LRRC7: variants seen among roughly 807,000 people sequenced by gnomAD.
LRRC7 encodes leucine rich repeat containing 7.
A neutral mutation model predicts 175.7 loss-of-function variants in LRRC7; 23 were observed. That is an observed-to-expected ratio of 0.13 (90% CI 0.09 to 0.19). LRRC7 has a LOEUF of 0.19. LRRC7 is among the 10% of genes least tolerant of loss of function. LRRC7 has a pLI of 1.00. For synonymous variants in LRRC7, 685 were observed against 680.9 expected, an observed-to-expected ratio of 1.01 and a Z score of -0.09; for missense variants, 1,354 against 1,904.7, an observed-to-expected ratio of 0.71 and a Z score of 5.38.
intron 7 of LRRC7, among the ~76,000 whole-genome samples, chr1:69,903,803 A>G (rs556967300): frequency 1.3e-5 from 2 of 152,292 alleles, no homozygotes; most frequent in South Asian, 2.1e-4. Flanking sequence ...TAGAAACAAT[A>G]AAAAATGATA....
chr1:70,106,166 A>G (rs1396892660), intron 25 of LRRC7, among the ~76,000 whole-genome samples: 2 of 152,218 alleles, frequency 1.3e-5, no homozygotes, highest in African/African-American at 4.8e-5. Context: ...ATATTGAAAT[A>G]TAGTTGATAT....
chr1:69,824,581 C>G (rs1157962177), intron 4 of LRRC7, among the ~76,000 whole-genome samples: 1 of 152,020 alleles, frequency 6.6e-6, no homozygotes, highest in Non-Finnish European at 1.5e-5. Context: ...CTTTGTACCC[C>G]TTTGTACCCC....
At chr1:69,595,795 C>T (rs1349956575) in intron 1 of LRRC7, among the ~76,000 whole-genome samples, 1 of 152,080 alleles carries the variant, frequency 6.6e-6, no homozygotes, top group Admixed American at 6.5e-5. Flanking sequence ...AAAGACTGTA[C>T]AGATATCCCA....
chr1:69,717,646 T>G (rs1378449759), intron 2 of LRRC7, among the ~76,000 whole-genome samples: 1 of 151,162 alleles, frequency 6.6e-6, no homozygotes, highest in African/African-American at 2.4e-5. Flanking sequence ...AACTTCATAT[T>G]GAGGGAGGGA....
chr1:69,599,186 A>G (rs1160258622), intron 1 of LRRC7, among the ~76,000 whole-genome samples: 1 of 151,992 alleles, frequency 6.6e-6, no homozygotes, highest in African/African-American at 2.4e-5. Flanking sequence ...CTAGGATCAC[A>G]GAAGTAGGAT....
intron 26 of LRRC7, among the ~76,000 whole-genome samples, chr1:70,108,174 A>T (rs1665272887): frequency 6.6e-6 from 1 of 151,634 alleles, no homozygotes; most frequent in Non-Finnish European, 1.5e-5. Flanking sequence ...TATGTGTGTG[A>T]CTTTCATGAG....
intron 17 of LRRC7, among the ~76,000 whole-genome samples, chr1:70,025,254 A>C (rs1316267359): frequency 6.7e-6 from 1 of 150,162 alleles, no homozygotes; most frequent in East Asian, 1.9e-4. Flanking sequence ...TTAATCATTT[A>C]TTTTTAGTGT....
chr1:70,089,077 C>T (rs61784292), intron 24 of LRRC7, among the ~76,000 whole-genome samples: 11,891 of 152,148 alleles, frequency 0.078, 575 homozygotes, highest in South Asian at 0.18. Context: ...GACCTCATCA[C>T]ACTATTCTCC....
At chr1:69,771,022 G>A (rs1672182448) in intron 3 of LRRC7, among the ~76,000 whole-genome samples, 1 of 152,110 alleles carries the variant, frequency 6.6e-6, no homozygotes, top group Non-Finnish European at 1.5e-5. Context: ...AGCGCCAAAT[G>A]TATACAATTT....
intron 23 of LRRC7, among the ~76,000 whole-genome samples, chr1:70,053,810 A>G (rs1031699402): frequency 1.3e-4 from 20 of 152,318 alleles, no homozygotes; most frequent in African/African-American, 4.6e-4. Flanking sequence ...CTTACAAATC[A>G]GTAATGAAGA....
intron 3 of LRRC7, among the ~76,000 whole-genome samples, chr1:69,768,859 A>T (rs1041160205): frequency 6.6e-6 from 1 of 152,204 alleles, no homozygotes; most frequent in Non-Finnish European, 1.5e-5. Context: ...ACTTTTATCC[A>T]TATAAATTAG....
chr1:70,003,107 T>C (rs1272492332), intron 11 of LRRC7, among the ~76,000 whole-genome samples: 1 of 152,078 alleles, frequency 6.6e-6, no homozygotes, highest in Non-Finnish European at 1.5e-5. Flanking sequence ...TTCTCTTGGC[T>C]TGTAGGCGAC....
chr1:69,694,906 A>G (rs1172011656), intron 2 of LRRC7, among the ~76,000 whole-genome samples: 1 of 152,170 alleles, frequency 6.6e-6, no homozygotes, highest in Non-Finnish European at 1.5e-5. Flanking sequence ...TATTTTCTTT[A>G]TAAATTACTC....
intron 2 of LRRC7, among the ~76,000 whole-genome samples, chr1:69,681,559 A>G (rs1660493639): frequency 6.6e-6 from 1 of 152,136 alleles, no homozygotes; most frequent in Non-Finnish European, 1.5e-5. Flanking sequence ...GGCATAGTCA[A>G]ATAAACTTTC....
chr1:69,977,090 G>A (rs1448138993), intron 8 of LRRC7, among the ~76,000 whole-genome samples: 4 of 152,022 alleles, frequency 2.6e-5, no homozygotes, highest in Non-Finnish European at 5.9e-5. Flanking sequence ...CCACATGCTG[G>A]GAAACTGGAA....
chr1:69,886,188 C>T lies in LRRC7; in HGVS notation c.648-45319C>T, dbSNP rs896963696. Among the ~76,000 whole-genome samples the T allele has an allele frequency of 4.6e-5, 7 of 152,054 alleles. No individual in the cohort carries two copies. The South Asian group carries it at 6.2e-4, about 14-fold the overall frequency. Reference sequence around the variant, plus strand: ...GGGTATCCTTGTTAACTTTCTGTCTCGTTTATCTGTCTAATGTTGACAGTG... The same window carrying T: ...GGGTATCCTTGTTAACTTTCTGTCTTGTTTATCTGTCTAATGTTGACAGTG... On this transcript the variant is annotated intron_variant, in intron 7 of 26. Coordinates refer to ENST00000651989, the MANE Select transcript of LRRC7 (RefSeq NM_001370785.2).
At chr1:69,789,466 C>T (rs1674864144) in intron 3 of LRRC7, among the ~76,000 whole-genome samples, 1 of 151,948 alleles carries the variant, frequency 6.6e-6, no homozygotes, top group Non-Finnish European at 1.5e-5. Flanking sequence ...TATAATCATT[C>T]CTCATTTTAA....
In LRRC7 at chr1:70,046,386, T is replaced by C. The variant is rs369002146; in HGVS notation, c.4110+2292T>C. Among the ~76,000 whole-genome samples, 5 of 152,196 alleles carry C rather than the reference T, an allele frequency of 3.3e-5. No individual in the cohort carries two copies. In the East Asian group the frequency reaches 7.7e-4, roughly 24 times the overall value. On this transcript the variant is annotated intron_variant, in intron 22 of 26. Transcript: ENST00000651989. ...TTTGGGGACTTTCAATAGTCCTCAG[T>C]TGAGCACAGAGATGACCAAAACGAA...
At chr1:69,867,347 ACTCAGGCTGATTCG>A (rs1685055827) in intron 7 of LRRC7, among the ~76,000 whole-genome samples, 1 of 152,144 alleles carries the variant, frequency 6.6e-6, no homozygotes, top group Admixed American at 6.5e-5. Flanking sequence ...AAAATAGAAA[ACTCAGGCTGATTCG>A]CTCAGGTGTT....
Sources: allele counts gnomAD v4.1 joint callset (sites outside exome capture counted in the v4.1 genomes callset), GRCh38; gene constraint gnomAD v4.1.1; transcripts MANE v1.5; gene names NCBI Gene and HGNC (gene_info 2026-07-23, HGNC 2026-07-21).